The following SRPX variants were observed in gnomAD, a reference collection of about 807,000 sequenced individuals.
The protein encoded by SRPX is sushi repeat-containing protein SRPX.
In SRPX, 24 loss-of-function variants were observed where a neutral mutation model predicts 38.1. The ratio of observed to expected loss-of-function variants is 0.63; its 90% CI spans 0.46 to 0.89. The LOEUF (loss-of-function observed/expected upper bound fraction) is 0.89. Ranked by LOEUF, SRPX falls within the 40% of genes least tolerant of loss-of-function variation. The pLI, the probability that SRPX is intolerant of heterozygous loss-of-function variation, is 0.00. For missense variants in SRPX, 416 were observed against 377.8 expected, an observed-to-expected ratio of 1.10 and a Z score of -0.84; for synonymous variants, 184 against 153.8, an observed-to-expected ratio of 1.20 and a Z score of -1.45.
chrX:38,179,579 C>T (rs1938629706), intron 1 of SRPX, among the ~76,000 whole-genome samples: 1 of 111,655 alleles, frequency 9.0e-6, no homozygotes, highest in Non-Finnish European at 1.9e-5. Context: ...TATTCAAATC[C>T]CCATGCAGCT....
chrX:38,198,686 A>G (rs1352371071), intron 1 of SRPX, among the ~76,000 whole-genome samples: 2 of 111,465 alleles, frequency 1.8e-5, no homozygotes, highest in African/African-American at 6.5e-5. Context: ...TGGGAAGCAA[A>G]AGTATACTGG....
intron 7 of SRPX, among the ~76,000 whole-genome samples, chrX:38,157,594 C>T (rs1481924901): frequency 8.9e-6 from 1 of 112,097 alleles, no homozygotes; most frequent in African/African-American, 3.2e-5. Flanking sequence ...ATTCAGGATA[C>T]TCTTCCCATT....
intron 5 of SRPX, among the ~76,000 whole-genome samples, chrX:38,161,479 T>C (rs760688849): frequency 9.8e-6 from 1 of 101,794 alleles, no homozygotes; most frequent in East Asian, 3.2e-4. Context: ...TCACTGGCAA[T>C]TTGGGCCTGC....
intron 1 of SRPX, among the ~76,000 whole-genome samples, chrX:38,180,686 C>T (rs1333732333): frequency 1.8e-5 from 2 of 112,177 alleles, no homozygotes; most frequent in African/African-American, 3.2e-5. Context: ...AAAATCTCAG[C>T]CTTTTTTTCT....
intron 1 of SRPX, among the ~76,000 whole-genome samples, chrX:38,202,702 G>T (rs1939134217): frequency 8.9e-6 from 1 of 112,036 alleles, no homozygotes; most frequent in African/African-American, 3.2e-5. Flanking sequence ...CAGATACTGT[G>T]TATAACTCTA....
chrX:38,159,660 T>C (rs1303015910), intron 7 of SRPX, among the ~76,000 whole-genome samples: 1 of 112,989 alleles, frequency 8.9e-6, no homozygotes, highest in Non-Finnish European at 1.9e-5. Context: ...GCAGGTATGA[T>C]ATTGTCTCTA....
Position 38,164,823 on chromosome X carries a change from C to T in SRPX, c.599G>A (p.Arg200Gln), listed in dbSNP as rs111307887. 6.6e-6 allele frequency: 8 copies of T among 1,208,636 alleles called. No homozygotes were observed. The East Asian group carries it at 8.9e-5, about 13-fold the overall frequency. Residue 200 changes from arginine to glutamine, a missense_variant, in exon 5 of 10, where the codon CGG becomes CAG. Physicochemically the swap from Arg to Gln is conservative, Grantham distance 43 (BLOSUM62 1). Coordinates refer to ENST00000378533, the MANE Select transcript of SRPX (RefSeq NM_006307.5). Reference sequence around the variant, plus strand: ...TCCTTCGGGTGTCTCCCAGGACACCCGGACTGTCAGTTTGTTGGGTTCTGC... The same window carrying T: ...TCCTTCGGGTGTCTCCCAGGACACCTGGACTGTCAGTTTGTTGGGTTCTGC... Reference protein sequence around the residue: ...RIAEPNKLTVRVSWETPEGRD... With the variant: ...RIAEPNKLTVQVSWETPEGRD...
chrX:38,180,649 C>A (rs1453274711), intron 1 of SRPX, among the ~76,000 whole-genome samples: 1 of 112,211 alleles, frequency 8.9e-6, no homozygotes, highest in African/African-American at 3.2e-5. Flanking sequence ...CAGCAAATAA[C>A]CATCTTCCAG....
In SRPX at chrX:38,174,307, A is replaced by G. The variant is rs1938531864; in HGVS notation, c.202T>C (p.Tyr68His). ...SPIKVKYGDV[Y>H]CRAPQGGYYK... ...TATCCTCCTTGAGGGGCCCTGCAGTACACATCCCCATACTTCACCTTGATG... is the reference window on the plus strand; with the variant it reads ...TATCCTCCTTGAGGGGCCCTGCAGTGCACATCCCCATACTTCACCTTGATG... Residue 68 changes from tyrosine (Y) to histidine (H), a missense_variant, in exon 3 of 10, where the codon TAC becomes CAC. Physicochemically the swap from Tyr to His is moderately conservative, Grantham distance 83 (BLOSUM62 2). Transcript: ENST00000378533. 9.1e-7 allele frequency: 1 copy of G among 1,096,725 alleles called. No homozygotes were observed. Among genetic ancestry groups the G allele is most frequent in the Non-Finnish European group, 1.2e-6 (1 of 837,263 alleles). The allele number at this position is 1,096,725 out of a possible 1,213,427, so 90.4% of individuals were successfully genotyped here.
intron 1 of SRPX, among the ~76,000 whole-genome samples, chrX:38,200,734 T>C (rs1939095367): frequency 8.9e-6 from 1 of 111,891 alleles, no homozygotes; most frequent in Admixed American, 9.4e-5. Flanking sequence ...AATCTATTCA[T>C]GAAGGCAGAG....
At chrX:38,164,307 T>C (rs1333959070) in intron 5 of SRPX, among the ~76,000 whole-genome samples, 1 of 110,251 alleles carries the variant, frequency 9.1e-6, no homozygotes, top group African/African-American at 3.3e-5. Context: ...CATGCCTGGC[T>C]AATTTTTGTA....
At chrX:38,156,500 A>G (rs779624282) in intron 8 of SRPX, among the ~76,000 whole-genome samples, 350 of 111,915 alleles carry the variant, frequency 3.1e-3, no homozygotes, top group African/African-American at 0.011. Flanking sequence ...CCACTTTTCT[A>G]AGAAAAAATG....
chrX:38,199,413 T>A (rs375841465), intron 1 of SRPX, among the ~76,000 whole-genome samples: 5 of 108,389 alleles, frequency 4.6e-5, no homozygotes, highest in South Asian at 4.0e-4. Flanking sequence ...CTCAAAAAAA[T>A]AATAATAATA....
intron 7 of SRPX, among the ~76,000 whole-genome samples, 154 bp from the exon 8 acceptor site, chrX:38,157,183 C>A (rs776523814): frequency 8.9e-6 from 1 of 111,816 alleles, no homozygotes; most frequent in Non-Finnish European, 1.9e-5. Flanking sequence ...TCCCAAGAAG[C>A]GCCTGTGGAG....
At chrX:38,210,818 G>A (rs1361000345) in intron 1 of SRPX, among the ~76,000 whole-genome samples, 1 of 112,083 alleles carries the variant, frequency 8.9e-6, no homozygotes, top group African/African-American at 3.2e-5. Flanking sequence ...TGAGTCCTGA[G>A]CTGAGCCTCG....
chrX:38,159,518 A>G (rs1042512301), intron 7 of SRPX, among the ~76,000 whole-genome samples: 2 of 113,241 alleles, frequency 1.8e-5, no homozygotes, highest in Non-Finnish European at 3.7e-5. Flanking sequence ...GCTCTATTCC[A>G]CTGTTCCACA....
At chrX:38,170,257 T>C (rs929433634) in intron 4 of SRPX, among the ~76,000 whole-genome samples, 2 of 111,676 alleles carry the variant, frequency 1.8e-5, no homozygotes, top group Non-Finnish European at 3.8e-5. Context: ...CTGTTGAAGG[T>C]TGTGTGGAAA....
chrX:38,195,145 T>A (rs1230238046), intron 1 of SRPX, among the ~76,000 whole-genome samples: 1 of 110,615 alleles, frequency 9.0e-6, no homozygotes, highest in Non-Finnish European at 1.9e-5. Flanking sequence ...AGTGCTGGGG[T>A]TACAGGCATG....
At chrX:38,150,282 T>C (rs1440110282) in intron 9 of SRPX, among the ~76,000 whole-genome samples, 1 of 112,147 alleles carries the variant, frequency 8.9e-6, no homozygotes, top group African/African-American at 3.2e-5. Flanking sequence ...GGCTAACAGA[T>C]TTTTTTTATT....
Sources: allele counts gnomAD v4.1 joint callset (sites outside exome capture counted in the v4.1 genomes callset), GRCh38; gene constraint gnomAD v4.1.1; transcripts MANE v1.5; gene names NCBI Gene and HGNC (gene_info 2026-07-23, HGNC 2026-07-21).